SHISAL1: variants seen among roughly 807,000 people sequenced by gnomAD.
SHISAL1 encodes shisa like 1, also known as protein shisa-like-1.
A neutral mutation model predicts 22.6 loss-of-function variants in SHISAL1; 9 were observed. The ratio of observed to expected loss-of-function variants is 0.40; its 90% confidence interval spans 0.24 to 0.70. The LOEUF is 0.70. Among genes scored for constraint, SHISAL1 ranks in the 30% least tolerant of loss-of-function variants. The probability of loss-of-function intolerance (pLI) is 0.39; values close to 1 mark genes in which losing one functional copy is unlikely to be tolerated. For synonymous variants in SHISAL1, 119 were observed against 115.4 expected, an observed-to-expected ratio of 1.03 and a Z score of -0.20; for missense variants, 246 against 270.6, an observed-to-expected ratio of 0.91 and a Z score of 0.64.
intron 4 of SHISAL1, among the ~76,000 whole-genome samples, chr22:44,254,160 G>C (rs2055068816): frequency 6.6e-6 from 1 of 152,016 alleles, no homozygotes; most frequent in Non-Finnish European, 1.5e-5. Flanking sequence ...CCAATGCTAA[G>C]AGGAACATAC....
chr22:44,319,083 C>T, the SHISAL1 span, among the ~76,000 whole-genome samples: 7 of 152,366 alleles, frequency 4.6e-5, no homozygotes, highest in East Asian at 5.8e-4. Flanking sequence ...GACAGTAGCC[C>T]GTGAAGACTC....
chr22:44,265,329 T>C (rs535048591), intron 4 of SHISAL1, among the ~76,000 whole-genome samples: 1 of 152,230 alleles, frequency 6.6e-6, no homozygotes, highest in Admixed American at 6.5e-5. Context: ...GAACTCTCTC[T>C]CCCAGAGCCC....
At chr22:44,265,443 C>T (rs1343413559) in intron 4 of SHISAL1, among the ~76,000 whole-genome samples, 1 of 152,128 alleles carries the variant, frequency 6.6e-6, no homozygotes. Flanking sequence ...CTACCAGCCA[C>T]CTGAGTGAGC....
chr22:44,300,806 G>A (rs1332734869), intron 2 of SHISAL1, 73 bp downstream of exon 2: 5 of 1,328,314 alleles, frequency 3.8e-6, no homozygotes, highest in East Asian at 2.3e-5. Context: ...CCCCAGATGG[G>A]CCAGCACGAA....
chr22:44,267,004 C>G (rs1351209311), intron 4 of SHISAL1, among the ~76,000 whole-genome samples: 1 of 152,178 alleles, frequency 6.6e-6, no homozygotes, highest in Non-Finnish European at 1.5e-5. Flanking sequence ...TTGGTGCCAG[C>G]TATGCCCAGC....
intron 4 of SHISAL1, among the ~76,000 whole-genome samples, chr22:44,258,181 C>T (rs1246404163): frequency 6.6e-6 from 1 of 152,104 alleles, no homozygotes; most frequent in African/African-American, 2.4e-5. Flanking sequence ...TGATGGGCAC[C>T]TGTAGTCCCA....
At chr22:44,298,664 C>G (rs1383196317) in intron 2 of SHISAL1, among the ~76,000 whole-genome samples, 1 of 152,192 alleles carries the variant, frequency 6.6e-6, no homozygotes, top group African/African-American at 2.4e-5. Context: ...GAGGCTACCA[C>G]AGGACTCAGG....
intron 4 of SHISAL1, among the ~76,000 whole-genome samples, chr22:44,261,717 T>C (rs2055125742): frequency 6.6e-6 from 1 of 152,254 alleles, no homozygotes; most frequent in Non-Finnish European, 1.5e-5. Context: ...CTTGTTCTGC[T>C]CTCACGGCAA....
At chr22:44,269,576 C>T (rs1850834078) in intron 4 of SHISAL1, among the ~76,000 whole-genome samples, 1 of 139,582 alleles carries the variant, frequency 7.2e-6, no homozygotes, top group Non-Finnish European at 1.6e-5. Context: ...CTACACCATG[C>T]CAGATACCAC....
chr22:44,255,530 C>T lies in SHISAL1; in HGVS notation c.*-5845G>A, dbSNP rs2055078480. Among the ~76,000 whole-genome samples the T allele has an allele frequency of 2.0e-5, 3 of 152,184 alleles. 1 individual carries two copies. The South Asian group carries it at 6.2e-4, about 31-fold the overall frequency. On this transcript the variant is annotated intron_variant, in intron 4 of 4. Transcript: ENST00000381176. ...TCAGGAGCAAATCCCGTTGGACCTT[C>T]CTTCAGAATCTCAATAAGCCTTACA...
At chr22:44,277,212 C>T (rs111625784) in intron 4 of SHISAL1, among the ~76,000 whole-genome samples, 6,829 of 152,230 alleles carry the variant, frequency 0.045, 551 homozygotes, top group African/African-American at 0.16. Flanking sequence ...GACGCGATGC[C>T]GGGAGAGGGA....
At chr22:44,265,718 T>G (rs1331459016) in intron 4 of SHISAL1, among the ~76,000 whole-genome samples, 1 of 152,132 alleles carries the variant, frequency 6.6e-6, no homozygotes, top group South Asian at 2.1e-4. Context: ...AGAGGGAGGA[T>G]CTTGCAGATT....
intron 4 of SHISAL1, among the ~76,000 whole-genome samples, chr22:44,279,933 AC>A (rs1461620594): frequency 1.3e-5 from 2 of 152,236 alleles, no homozygotes; most frequent in African/African-American, 4.8e-5. Flanking sequence ...GGATTTGGAT[AC>A]CCCTTAAGAT....
At chr22:44,268,427 G>A (rs934319174) in intron 4 of SHISAL1, among the ~76,000 whole-genome samples, 2 of 152,216 alleles carry the variant, frequency 1.3e-5, no homozygotes, top group African/African-American at 4.8e-5. Flanking sequence ...TAAGCTGAAA[G>A]ATGACTTAGA....
chr22:44,306,176 T>G (rs1342301273), intron 1 of SHISAL1, among the ~76,000 whole-genome samples: 2 of 152,174 alleles, frequency 1.3e-5, no homozygotes, highest in African/African-American at 4.8e-5. Context: ...GGCCATGAGT[T>G]CAATAGCACT....
intron 4 of SHISAL1, among the ~76,000 whole-genome samples, chr22:44,275,648 C>A (rs1047551036): frequency 1.4e-4 from 21 of 152,210 alleles, no homozygotes; most frequent in African/African-American, 4.8e-4. Context: ...CTTCCCAGTA[C>A]AAGGATGTGG....
At position 44,301,313 on chromosome 22, in the gene SHISAL1, C is replaced by T. The variant is rs187739385; in HGVS notation, c.-32-336G>A. ...AGGAGTGAGGATGCCCGGGCTGGCC[C>T]GGCCACCTCGAGGAGCTTACAGGAC... On this transcript the variant is annotated intron_variant, in intron 1 of 4. Transcript: ENST00000381176. 2.7e-4 allele frequency among the ~76,000 whole-genome samples: 41 copies of T among 152,298 alleles called. No individual in the cohort carries two copies. In the East Asian group the frequency reaches 4.3e-3, roughly 16 times the overall value.
At chr22:44,276,499 G>A (rs1275666015) in intron 4 of SHISAL1, among the ~76,000 whole-genome samples, 1 of 151,114 alleles carries the variant, frequency 6.6e-6, no homozygotes, top group African/African-American at 2.5e-5. Flanking sequence ...GGAGATATGT[G>A]GAGGCAGCTG....
intron 4 of SHISAL1, among the ~76,000 whole-genome samples, chr22:44,266,526 GTA>G (rs1491197188): frequency 0.01 from 1,275 of 125,886 alleles, 24 homozygotes; most frequent in African/African-American, 0.034. Flanking sequence ...GGGCTTTGGG[GTA>G]TGTGTGTGTG....
Sources: allele counts gnomAD v4.1 joint callset (sites outside exome capture counted in the v4.1 genomes callset), GRCh38; gene constraint gnomAD v4.1.1; transcripts MANE v1.5; gene names NCBI Gene and HGNC (gene_info 2026-07-23, HGNC 2026-07-21).